The following ADGRB2 variants were observed in gnomAD, a reference collection of about 807,000 sequenced individuals.
ADGRB2 encodes adhesion G protein-coupled receptor B2.
A neutral mutation model predicts 178.7 loss-of-function variants in ADGRB2; 47 were observed. The observed-to-expected ratio is 0.26, with a 90% CI of 0.21 to 0.34. The LOEUF is 0.34. Among genes scored for constraint, ADGRB2 ranks in the 10% least tolerant of loss-of-function variants. ADGRB2 has a pLI of 1.00. For missense variants in ADGRB2, 1,584 were observed against 2,180.8 expected (o/e 0.73, Z 5.45); for synonymous variants, 870 against 912.4 (o/e 0.95, Z 0.84).
At chr1:31,748,938 G>A (rs1344094591) in intron 4 of ADGRB2, among the ~76,000 whole-genome samples, 1 of 152,200 alleles carries the variant, frequency 6.6e-6, no homozygotes, top group African/African-American at 2.4e-5. Context: ...ATACTAGAGA[G>A]AGGCTGAGGT....
At position 31,728,207 on chromosome 1, in the gene ADGRB2, C is replaced by T. The variant is rs779141200; in HGVS notation, c.4490G>A (p.Arg1497His). The change falls in exon 31 of 33, where the codon CGC becomes CAC. Residue 1497 changes from arginine to histidine, a missense_variant. Arg to His is a conservative substitution (Grantham distance 29). Around this residue, in one of 3 missense-constraint regions of ADGRB2, gnomAD observed 865 missense variants for 1,192.8 expected, o/e 0.73. Coordinates refer to ENST00000373658, the MANE Select transcript of ADGRB2 (RefSeq NM_001364857.2). The surrounding 1 kb of genome is among the most constrained non-coding windows in gnomAD (Gnocchi z 6.7). ...ELNQKFHTFD[R>H]YRSQSTAKRE... ...CTTGGCCGTGGACTGGCTGCGGTAGCGGTCGAAAGTGTGGAACTTCTGGTT... is the reference window on the plus strand; with the variant it reads ...CTTGGCCGTGGACTGGCTGCGGTAGTGGTCGAAAGTGTGGAACTTCTGGTT... The T allele has an allele frequency of 1.1e-5, 18 of 1,614,062 alleles. No homozygotes were observed. The Admixed American group carries it at 1.2e-4, about 10-fold the overall frequency.
chr1:31,759,312 A>G lies in ADGRB2; in HGVS notation c.-190-1801T>C, dbSNP rs1307639146. The G allele has an allele frequency of 6.4e-6, 5 of 779,598 alleles. No homozygotes were observed. In the East Asian group the frequency reaches 1.2e-4, roughly 19 times the overall value. 48.3% of individuals were successfully genotyped at this position (779,598 alleles called of 1,614,324 possible). On this transcript the variant is annotated intron_variant, in intron 1 of 32. Transcript: ENST00000373658. The surrounding 1 kb of genome is among the most constrained non-coding windows in gnomAD (Gnocchi z 4.3). ...AGAGGTGCACACGCATTCTCGACTG[A>G]GAACACACATGAGTATCTGGCCCTC...
chr1:31,737,286 T>C (rs1645666874), intron 20 of ADGRB2, 143 bp downstream of exon 20: 1 of 779,324 alleles, frequency 1.3e-6, no homozygotes, highest in Non-Finnish European at 2.1e-6. Context: ...TCTCACACAC[T>C]ATTTCATACA....
At chr1:31,739,072 C>T (rs750378437) in intron 15 of ADGRB2, 135 bp from the exon 16 acceptor site, 28 of 882,206 alleles carry the variant, frequency 3.2e-5, no homozygotes, top group Middle Eastern at 7.1e-4. Flanking sequence ...TCAGTGGGGT[C>T]CAGGACTTCA....
In ADGRB2 at chr1:31,741,896, G is replaced by A. The variant is rs1645992247; in HGVS notation, c.1489C>T (p.Arg497Cys). The A allele has an allele frequency of 1.2e-6, 2 of 1,611,396 alleles. No homozygotes were observed. Among genetic ancestry groups the A allele is most frequent in the Non-Finnish European group, 1.7e-6 (2 of 1,178,222 alleles). The change falls in exon 9 of 33, where the codon CGC becomes TGC. Residue 497 changes from arginine to cysteine, a missense_variant. By Grantham distance (180) the Arg-to-Cys change is radical (BLOSUM62 -3). This residue lies in a region of ADGRB2 where 657 missense variants were observed against 847.6 expected (regional missense o/e 0.78). Transcript: ENST00000373658. This position sits in a 1 kb window ranked among gnomAD's most constrained non-coding sequence, Gnocchi z 6.5. Reference sequence around the variant, plus strand: ...GTGGCCTGGCACATGCGGAAGCGGCGCTGCCAGCCTGTGTCACACGTCTTA... The same window carrying A: ...GTGGCCTGGCACATGCGGAAGCGGCACTGCCAGCCTGTGTCACACGTCTTA... ...CSKTCDTGWQ[R>C]RFRMCQATGT...
At position 31,758,943 on chromosome 1, in the gene ADGRB2, GC is replaced by G. The variant is rs1403555522; in HGVS notation, c.-190-1433del. Among the ~76,000 whole-genome samples the G allele has an allele frequency of 2.0e-5, 3 of 152,220 alleles. No individual in the cohort carries two copies. Among genetic ancestry groups the G allele is most frequent in the East Asian group, 1.9e-4 (1 of 5,202 alleles). On this transcript the variant is annotated intron_variant, in intron 1 of 32. Transcript: ENST00000373658. This position sits in a 1 kb window ranked among gnomAD's most constrained non-coding sequence, Gnocchi z 4.2. ...ATGAGTGACATCCAATCCCCCTGCT[GC>G]CCCCAATTATTTTTAAGCCGCAAAA... is the stretch of plus-strand genomic sequence containing the variant.
rs202245577 is a variant in ADGRB2, at chr1:31,738,629, C to G, written c.2603G>C (p.Gly868Ala). 1.0e-4 allele frequency: 166 copies of G among 1,612,170 alleles called. No individual in the cohort carries two copies. In the East Asian group the frequency reaches 2.0e-3, roughly 19 times the overall value. ...ITVELSYIIN[G>A]TTDPHCASWD... ...GCTGGCGCAATGGGGATCCGTGGTC[C>G]CCTGGGGAGCAAAAGACATGAGTGC... Residue 868 changes from glycine to alanine, a missense_variant and splice_region_variant, in exon 17 of 33, where the codon GGG (glycine) becomes GCG (alanine). Coordinates refer to ENST00000373658, the MANE Select transcript of ADGRB2 (RefSeq NM_001364857.2).
rs1203247966 is a variant in ADGRB2, at chr1:31,727,772, T to C, written c.4573-167A>G. The C allele has an allele frequency of 1.0e-5, 9 of 887,000 alleles. No homozygotes were observed. The East Asian group carries it at 2.4e-4, about 24-fold the overall frequency. 54.9% of individuals were successfully genotyped at this position (887,000 alleles called of 1,614,324 possible). A position where few individuals can be genotyped will look rare whatever the true frequency, so the allele number is the denominator to read the frequency against. ...GACCTGCCTGGTTCCAGGGTGGGGC[T>C]CCTGACCCCTGTTCTCAGTGGCCCC... On this transcript the variant is annotated intron_variant, in intron 32 of 32. Coordinates refer to ENST00000373658, the MANE Select transcript of ADGRB2 (RefSeq NM_001364857.2). The surrounding 1 kb of genome is among the most constrained non-coding windows in gnomAD (Gnocchi z 4.4).
At chr1:31,746,605 G>A (rs536551743) in intron 4 of ADGRB2, among the ~76,000 whole-genome samples, 6 of 152,192 alleles carry the variant, frequency 3.9e-5, no homozygotes, top group East Asian at 3.9e-4. Flanking sequence ...CTCATTCCCC[G>A]CTGTGGCCAT....
At position 31,744,528 on chromosome 1, in the gene ADGRB2, G is replaced by T; in HGVS notation, c.922+120C>A. ...ACCCAGCCCTTCCCACAAGCTTCAT[G>T]TGGCACAGACGCGACTGAACTGCAG... On this transcript the variant is annotated intron_variant, in intron 5 of 32. Transcript: ENST00000373658. The surrounding 1 kb of genome is among the most constrained non-coding windows in gnomAD (Gnocchi z 6.7). The T allele has an allele frequency of 6.9e-7, 1 of 1,448,054 alleles. No homozygotes were observed. The highest frequency in any genetic ancestry group is 9.4e-7 in the Non-Finnish European group (1 of 1,058,710). The allele number at this position is 1,448,054 out of a possible 1,614,324, so 89.7% of individuals were successfully genotyped here.
chr1:31,737,315 G>T, intron 20 of ADGRB2, 114 bp downstream of exon 20: 2 of 975,606 alleles, frequency 2.1e-6, no homozygotes, highest in East Asian at 2.5e-5. Flanking sequence ...TCCCAACATG[G>T]GGCACACATA....
In ADGRB2 at chr1:31,728,192, G is replaced by A; in HGVS notation, c.4505C>T (p.Ser1502Phe). ...FHTFDRYRSQ[S>F]TAKREKRWSV... Reference sequence around the variant, plus strand: ...GGGAGGAGCCCTCACCTTGGCCGTGGACTGGCTGCGGTAGCGGTCGAAAGT... The same window carrying A: ...GGGAGGAGCCCTCACCTTGGCCGTGAACTGGCTGCGGTAGCGGTCGAAAGT... Residue 1502 changes from serine to phenylalanine, a missense_variant, in exon 31 of 33, where the codon TCC becomes TTC. Ser to Phe is a radical substitution (Grantham distance 155). Coordinates refer to ENST00000373658, the MANE Select transcript of ADGRB2 (RefSeq NM_001364857.2). The surrounding 1 kb of genome is among the most constrained non-coding windows in gnomAD (Gnocchi z 6.7). 6.2e-7 allele frequency: 1 copy of A among 1,614,176 alleles called. No homozygotes were observed.
In ADGRB2 at chr1:31,741,154, G is replaced by A. The variant is rs1645940663; in HGVS notation, c.1794+219C>T. On this transcript the variant is annotated intron_variant, in intron 11 of 32. Transcript: ENST00000373658. The surrounding 1 kb of genome is among the most constrained non-coding windows in gnomAD (Gnocchi z 6.5). ...TAATGACTGAGGAGCTCATTCTGCA[G>A]GAGCGCAGAGGTAGGCACCAGGGAT... Among the ~76,000 whole-genome samples the A allele has an allele frequency of 6.6e-6, 1 of 152,162 alleles. No homozygotes were observed. Among genetic ancestry groups the A allele is most frequent in the East Asian group, 1.9e-4 (1 of 5,188 alleles).
At position 31,748,304 on chromosome 1, in the gene ADGRB2, G is replaced by C. The variant is rs1474724582; in HGVS notation, c.839-3573C>G. On this transcript the variant is annotated intron_variant, in intron 4 of 32. Transcript: ENST00000373658. ...GGCCTCCTGAGCTGGGCCAGAGAGG[G>C]GAAGGTACAAGCCCAAGGCCACACA... 2.6e-5 allele frequency among the ~76,000 whole-genome samples: 4 copies of C among 152,198 alleles called. No homozygotes were observed. The East Asian group carries it at 7.7e-4, about 29-fold the overall frequency.
At chr1:31,751,206 G>A (rs926486518) in intron 4 of ADGRB2, among the ~76,000 whole-genome samples, 2 of 152,220 alleles carry the variant, frequency 1.3e-5, no homozygotes, top group Non-Finnish European at 1.5e-5. Flanking sequence ...TGCACAGGCT[G>A]TTTCCTCTAC....
chr1:31,732,807 C>G (rs1045349445), intron 26 of ADGRB2, among the ~76,000 whole-genome samples, 165 bp downstream of exon 26: 2 of 152,256 alleles, frequency 1.3e-5, no homozygotes, highest in African/African-American at 4.8e-5. Context: ...GCATAAGGGA[C>G]AGTTGCGGGT....
In ADGRB2 at chr1:31,727,631, G is replaced by T; in HGVS notation, c.4573-26C>A. ...CTGTGGAGGGAGCGGGAGGGGCCGT[G>T]GAGATGGGCCAATATCCTTACCCAT... On this transcript the variant is annotated intron_variant, in intron 32 of 32. Transcript: ENST00000373658. This position sits in a 1 kb window ranked among gnomAD's most constrained non-coding sequence, Gnocchi z 4.4. 2.0e-6 allele frequency: 3 copies of T among 1,475,756 alleles called. No homozygotes were observed. Among genetic ancestry groups the T allele is most frequent in the Non-Finnish European group, 2.7e-6 (3 of 1,118,962 alleles). The allele number at this position is 1,475,756 out of a possible 1,614,324, so 91.4% of individuals were successfully genotyped here. A position where few individuals can be genotyped will look rare whatever the true frequency, so the allele number is the denominator to read the frequency against.
In ADGRB2 at chr1:31,735,508, C is replaced by T. The variant is rs775779960; in HGVS notation, c.3353+72G>A. 6.4e-7 allele frequency: 1 copy of T among 1,553,336 alleles called. No individual in the cohort carries two copies. The highest frequency in any genetic ancestry group is 8.8e-7 in the Non-Finnish European group (1 of 1,131,902). ...GGTCGCATCATCGAGCCCTGAGTCT[C>T]CAAGAGCACCCATGTCCCTCCCTCC... On this transcript the variant is annotated intron_variant, in intron 24 of 32. Transcript: ENST00000373658. This position sits in a 1 kb window ranked among gnomAD's most constrained non-coding sequence, Gnocchi z 6.0.
In ADGRB2 at chr1:31,739,409, G is replaced by A. The variant is rs1464996047; in HGVS notation, c.2394C>T (p.His798=). The part of the protein sequence containing the change: ...GPGTVPPGPG[H]SHQRLLPADP... The stretch of plus-strand genomic sequence containing the variant: ...CTGCTGGGAGGAGGCGCTGGTGGGA[G>A]TGGCCTGGGCCAGGAGGCACCGTTC... The change falls in exon 15 of 33, where the codon CAC becomes CAT. Residue 798 remains histidine, a synonymous_variant. Transcript: ENST00000373658. 9.6e-6 allele frequency: 15 copies of A among 1,560,682 alleles called. No individual in the cohort carries two copies. In the South Asian group the frequency reaches 1.8e-4, roughly 18 times the overall value.
Sources: gnomAD v4.1 joint callset for allele counts (sites outside exome capture counted in the v4.1 genomes callset) on GRCh38, gnomAD v4.1.1 for gene constraint, gnomAD v4.1.1 regional missense constraint, Gnocchi (gnomAD v3.1) non-coding constraint, MANE v1.5 for transcripts, NCBI Gene and HGNC (gene_info 2026-07-23, HGNC 2026-07-21) for gene names.